Variants in MGRN1 observed in about 807,000 individuals in gnomAD.
MGRN1 encodes mahogunin ring finger 1.
MGRN1 carries 29 observed loss-of-function variants against 69.2 expected under a neutral mutation model. The observed-to-expected ratio is 0.42, with a 90% CI of 0.31 to 0.57. The LOEUF (loss-of-function observed/expected upper bound fraction) is 0.57, where lower values mean the gene tolerates loss of function less well. Among genes scored for constraint, MGRN1 ranks in the 20% least tolerant of loss-of-function variants. MGRN1 has a pLI of 0.15. For synonymous variants in MGRN1, 470 were observed against 344.2 expected, an observed-to-expected ratio of 1.37 and a Z score of -4.04; for missense variants, 998 against 796.2, an observed-to-expected ratio of 1.25 and a Z score of -3.05.
At chr16:4,676,267 A>C (rs2079051202) in intron 10 of MGRN1, among the ~76,000 whole-genome samples, 1 of 152,130 alleles carries the variant, frequency 6.6e-6, no homozygotes. Context: ...TGAAAGCCAC[A>C]GAGTTGCGGG....
chr16:4,681,827 G>A (rs2079188907), intron 13 of MGRN1, 51 bp downstream of exon 13: 1 of 1,543,624 alleles, frequency 6.5e-7, no homozygotes, highest in Non-Finnish European at 8.8e-7. Context: ...TGGCGCGCGT[G>A]CGGAGCGGGT....
chr16:4,673,287 A>G (rs2078981570), intron 9 of MGRN1, among the ~76,000 whole-genome samples: 1 of 152,202 alleles, frequency 6.6e-6, no homozygotes, highest in Non-Finnish European at 1.5e-5. Flanking sequence ...TGAGGGGCAC[A>G]GACCCTCCCC....
chr16:4,650,734 T>C, intron 2 of MGRN1: 1 of 375,010 alleles, frequency 2.7e-6, no homozygotes, highest in Non-Finnish European at 4.8e-6. Context: ...ACTGAATGGG[T>C]GCGTCTGGGC....
At chr16:4,681,430 C>G (rs894870833) in intron 12 of MGRN1, 120 bp from the exon 13 acceptor site, 2 of 968,384 alleles carry the variant, frequency 2.1e-6, no homozygotes, top group South Asian at 1.7e-5. Context: ...TGGCCACCCT[C>G]TGAGGGTGGG....
intron 4 of MGRN1, among the ~76,000 whole-genome samples, chr16:4,655,848 A>G (rs1199598318): frequency 6.6e-6 from 1 of 152,240 alleles, no homozygotes; most frequent in Non-Finnish European, 1.5e-5. Context: ...TGAGGCTCAG[A>G]CAGAGGGGTG....
chr16:4,640,038 C>G (rs910218874), intron 1 of MGRN1: 3 of 152,306 alleles, frequency 2.0e-5, no homozygotes, highest in African/African-American at 7.2e-5. Context: ...TCTTGGGAGG[C>G]CTTGCCGCGT....
At chr16:4,686,402 G>A (rs908088120) in intron 16 of MGRN1, 1 of 1,486,552 alleles carries the variant, frequency 6.7e-7, no homozygotes, top group Non-Finnish European at 8.9e-7. Context: ...CTGGTTTTTG[G>A]GTCTTCGTCC....
chr16:4,688,345 GC>G (rs1309678825), intron 16 of MGRN1: 5 of 991,158 alleles, frequency 5.0e-6, no homozygotes, highest in Non-Finnish European at 6.0e-6. Flanking sequence ...CCATCCGGGG[GC>G]TACTCTGAGC....
intron 5 of MGRN1, among the ~76,000 whole-genome samples, chr16:4,663,309 C>T (rs1193724176): frequency 6.6e-6 from 1 of 151,188 alleles, no homozygotes; most frequent in Non-Finnish European, 1.5e-5. Flanking sequence ...GGTGATCCGC[C>T]ACCTAGGCCT....
intron 1 of MGRN1, among the ~76,000 whole-genome samples, chr16:4,640,828 C>CACAG (rs928191350): frequency 1.9e-4 from 29 of 152,350 alleles, no homozygotes; most frequent in African/African-American, 6.5e-4. Flanking sequence ...AGGTGCCCAG[C>CACAG]ACAGAGACTG....
chr16:4,647,503 C>G (rs989550778), intron 1 of MGRN1, among the ~76,000 whole-genome samples: 2 of 152,232 alleles, frequency 1.3e-5, no homozygotes, highest in African/African-American at 4.8e-5. Context: ...AGGCTTTGCT[C>G]CACCCCTCGT....
intron 8 of MGRN1, among the ~76,000 whole-genome samples, chr16:4,668,819 C>A (rs1404706138): frequency 4.6e-5 from 7 of 152,088 alleles, no homozygotes; most frequent in Admixed American, 1.3e-4. Context: ...TACAGACACA[C>A]ACTCATACAC....
intron 1 of MGRN1, among the ~76,000 whole-genome samples, chr16:4,641,231 C>T (rs1028387730): frequency 7.2e-5 from 11 of 152,258 alleles, no homozygotes; most frequent in African/African-American, 2.2e-4. Context: ...AGGGCGGCCC[C>T]GCCCCTAACA....
At position 4,638,550 on chromosome 16, in the gene MGRN1, G is replaced by A. The variant is rs540371812; in HGVS notation, c.89-11815G>A. Among the ~76,000 whole-genome samples the A allele has an allele frequency of 6.7e-4, 102 of 152,314 alleles. 1 individual carries two copies. Among genetic ancestry groups the A allele is most frequent in the Admixed American group, 5.4e-3 (82 of 15,302 alleles). Reference sequence around the variant, plus strand: ...GGTAGTAGGCAGGGAAGCATGGTAGGCCCAGGGGGATCAATGCGTGGGTGA... The same window carrying A: ...GGTAGTAGGCAGGGAAGCATGGTAGACCCAGGGGGATCAATGCGTGGGTGA... On this transcript the variant is annotated intron_variant, in intron 1 of 16. Coordinates refer to ENST00000262370, the MANE Select transcript of MGRN1 (RefSeq NM_015246.4).
Position 4,652,660 on chromosome 16 carries a change from C to T in MGRN1, c.297-18C>T, listed in dbSNP as rs778775257. 6 of 1,595,970 alleles carry T rather than the reference C, an allele frequency of 3.8e-6. No individual in the cohort carries two copies. In the South Asian group the frequency reaches 6.7e-5, roughly 18 times the overall value. On this transcript the variant is annotated intron_variant, in intron 3 of 16. Transcript: ENST00000262370. The stretch of plus-strand genomic sequence containing the variant: ...GGGGCCGCTGACCCGCTGCCTTTCT[C>T]TCCACCGCCTGGGGTAGGTACAAAG...
intron 10 of MGRN1, among the ~76,000 whole-genome samples, chr16:4,674,362 C>T (rs968057276): frequency 9.2e-5 from 14 of 151,988 alleles, no homozygotes; most frequent in African/African-American, 3.1e-4. Flanking sequence ...AGTCTCGGCT[C>T]ACTGCAAACT....
At position 4,650,660 on chromosome 16, in the gene MGRN1, T is replaced by C. The variant is rs565863650; in HGVS notation, c.207+177T>C. 1,035 of 506,552 alleles carry C rather than the reference T, an allele frequency of 2.0e-3. 13 individuals are homozygous for C. The highest frequency in any genetic ancestry group is 0.018 in the African/African-American group (915 of 50,534). The allele number at this position is 506,552 out of a possible 1,614,324, so 31.4% of individuals were successfully genotyped here. On this transcript the variant is annotated intron_variant, in intron 2 of 16. Transcript: ENST00000262370. ...GGCACGTGCCCTGGAATGGGTTGTG[T>C]CCTGGTGCTGCCCCCTAGAGGCCAG...
In MGRN1 at chr16:4,682,808, C is replaced by G. The variant is rs756861283; in HGVS notation, c.1359-15C>G. The G allele has an allele frequency of 2.6e-6, 4 of 1,537,230 alleles. No individual in the cohort carries two copies. In the South Asian group the frequency reaches 4.9e-5, roughly 19 times the overall value. On this transcript the variant is annotated splice_polypyrimidine_tract_variant and intron_variant, in intron 13 of 16. Transcript: ENST00000262370. The stretch of plus-strand genomic sequence containing the variant: ...TTATCCTCTCACCCCTGCCCACCCT[C>G]TCCTCTGTCCCCAGCACCCTACGGT...
At chr16:4,664,509 G>A (rs961706024) in intron 5 of MGRN1, 200 bp from the exon 6 acceptor site, 7 of 604,006 alleles carry the variant, frequency 1.2e-5, no homozygotes, top group Non-Finnish European at 2.1e-5. Context: ...GGCAGATTTT[G>A]TGTTGTATCT....
Sources: allele counts gnomAD v4.1 joint callset (sites outside exome capture counted in the v4.1 genomes callset), GRCh38; gene constraint gnomAD v4.1.1; transcripts MANE v1.5; gene names NCBI Gene and HGNC (gene_info 2026-07-23, HGNC 2026-07-21).